Variants in EMID1 observed in about 807,000 individuals in gnomAD.
The protein encoded by EMID1 is EMI domain containing 1, also known as EMI domain-containing protein 1.
Under a neutral mutation model 60.6 loss-of-function variants are expected in EMID1, and 40 were observed. The observed-to-expected ratio is 0.66, with a 90% CI of 0.51 to 0.86. The LOEUF is 0.86. Among genes scored for constraint, EMID1 ranks in the 40% least tolerant of loss-of-function variants. The probability of loss-of-function intolerance (pLI) is 0.00; values close to 1 mark genes in which losing one functional copy is unlikely to be tolerated. For missense variants in EMID1, 585 were observed against 597.1 expected (o/e 0.98, Z 0.21); for synonymous variants, 242 against 231.0 (o/e 1.05, Z -0.43).
intron 13 of EMID1, among the ~76,000 whole-genome samples, chr22:29,250,171 A>C (rs1179895555): frequency 6.6e-6 from 1 of 152,210 alleles, no homozygotes; most frequent in African/African-American, 2.4e-5. Flanking sequence ...CGGGAGGATC[A>C]TTTGAGTCCT....
At chr22:29,250,948 T>C (rs2041507341) in intron 13 of EMID1, among the ~76,000 whole-genome samples, 1 of 151,266 alleles carries the variant, frequency 6.6e-6, no homozygotes. Flanking sequence ...GATAGGGTCT[T>C]GCTGTGTTGC....
At chr22:29,257,940 G>T (rs762817) in intron 14 of EMID1, among the ~76,000 whole-genome samples, 28,260 of 152,048 alleles carry the variant, frequency 0.19, 3,005 homozygotes, top group South Asian at 0.37. Flanking sequence ...TGTCTGCTCC[G>T]GGAGCCCTCA....
At chr22:29,257,190 G>T (rs1326690210) in intron 14 of EMID1, among the ~76,000 whole-genome samples, 1 of 152,308 alleles carries the variant, frequency 6.6e-6, no homozygotes, top group African/African-American at 2.4e-5. Context: ...TTGGGTCGGG[G>T]CTTGGAGGGA....
intron 1 of EMID1, among the ~76,000 whole-genome samples, chr22:29,208,184 TG>T (rs1320937191): frequency 6.6e-6 from 1 of 152,160 alleles, no homozygotes. Flanking sequence ...GGAGACAGCA[TG>T]GGGGTGTCAT....
intron 11 of EMID1, 35 bp from the exon 12 acceptor site, chr22:29,234,270 C>T (rs1479560863): frequency 6.2e-7 from 1 of 1,613,444 alleles, no homozygotes; most frequent in Non-Finnish European, 8.5e-7. Flanking sequence ...GAGTCCTCAA[C>T]AGCTGACGCC....
At chr22:29,210,048 G>C (rs914336824) in intron 1 of EMID1, among the ~76,000 whole-genome samples, 33 of 152,124 alleles carry the variant, frequency 2.2e-4, no homozygotes, top group African/African-American at 7.7e-4. Flanking sequence ...TCCTGGGGCT[G>C]GGGTCCTCAA....
chr22:29,207,456 G>T (rs1013600806), intron 1 of EMID1, among the ~76,000 whole-genome samples: 1 of 152,148 alleles, frequency 6.6e-6, no homozygotes, highest in Non-Finnish European at 1.5e-5. Context: ...GAAGTGAGCC[G>T]CCAGGATCCC....
chr22:29,215,582 C>T lies in EMID1; in HGVS notation c.271C>T (p.Arg91Cys), dbSNP rs758508274. Reference sequence around the variant, plus strand: ...GGTGATGTACAAGATAGTGACCGCCCGTGAGTGGAGGTGCTGCCCTGGGCA... The same window carrying T: ...GGTGATGTACAAGATAGTGACCGCCTGTGAGTGGAGGTGCTGCCCTGGGCA... ...YKVMYKIVTAREWRCCPGHSG... is the reference protein window; with the variant it reads ...YKVMYKIVTACEWRCCPGHSG... Residue 91 changes from arginine (R) to cysteine (C), a missense_variant, in exon 3 of 15, where the codon CGT becomes TGT. Physicochemically the swap from Arg to Cys is radical, Grantham distance 180 (BLOSUM62 -3). Transcript: ENST00000334018. The T allele has an allele frequency of 9.9e-6, 16 of 1,613,990 alleles. No individual in the cohort carries two copies. Among genetic ancestry groups the T allele is most frequent in the South Asian group, 3.3e-5 (3 of 91,088 alleles).
intron 13 of EMID1, among the ~76,000 whole-genome samples, chr22:29,248,285 T>C (rs1399777678): frequency 2.7e-5 from 4 of 149,978 alleles, no homozygotes; most frequent in African/African-American, 9.9e-5. Flanking sequence ...TTTTTTCACT[T>C]TTTAAATGTT....
At chr22:29,234,481 GTC>G in intron 12 of EMID1, 132 bp downstream of exon 12, 1 of 1,083,684 alleles carries the variant, frequency 9.2e-7, no homozygotes, top group Non-Finnish European at 1.3e-6. Flanking sequence ...GATGCTCCCT[GTC>G]TCTGAGACTC....
intron 14 of EMID1, among the ~76,000 whole-genome samples, chr22:29,256,463 CAAA>C (rs774829201): frequency 3.6e-4 from 19 of 52,744 alleles, no homozygotes; most frequent in Admixed American, 7.1e-4. Flanking sequence ...GACTCCATCT[CAAA>C]AAAAAAAAAA....
intron 3 of EMID1, among the ~76,000 whole-genome samples, chr22:29,222,889 A>T (rs942291522): frequency 3.9e-5 from 6 of 152,110 alleles, no homozygotes; most frequent in Non-Finnish European, 8.8e-5. Flanking sequence ...CGGGAGATGG[A>T]GACCATCCTG....
chr22:29,211,624 TCCTGTGTG>T (rs2039887804), intron 1 of EMID1, among the ~76,000 whole-genome samples: 1 of 151,192 alleles, frequency 6.6e-6, no homozygotes, highest in Non-Finnish European at 1.5e-5. Context: ...GCATATTTGC[TCCTGTGTG>T]CCTGTGTGTG....
rs549683607 is a variant in EMID1, at chr22:29,214,842, C to T, written c.102-84C>T. ...GGATTCAGGGCTCTTGAAGAGAACA[C>T]GGACGTCCTCACCCATCCTCCTGGA... On this transcript the variant is annotated intron_variant, in intron 1 of 14. Coordinates refer to ENST00000334018, the MANE Select transcript of EMID1 (RefSeq NM_133455.4). The T allele has an allele frequency of 3.8e-5, 37 of 980,308 alleles. No individual in the cohort carries two copies. In the East Asian group the frequency reaches 6.5e-4, roughly 17 times the overall value. 60.7% of individuals were successfully genotyped at this position (980,308 alleles called of 1,614,324 possible).
chr22:29,214,714 GCCCCACCCC>G (rs1252417626), intron 1 of EMID1, among the ~76,000 whole-genome samples: 1 of 152,104 alleles, frequency 6.6e-6, no homozygotes, highest in Admixed American at 6.5e-5. Flanking sequence ...TCTCTGCACA[GCCCCACCCC>G]TAGGGCCATG....
Position 29,259,548 on chromosome 22 carries a change from A to C in EMID1, c.*604A>C, listed in dbSNP as rs2058082732. 1 of 168,784 alleles carries C rather than the reference A, an allele frequency of 5.9e-6. No individual in the cohort carries two copies. The highest frequency in any genetic ancestry group is 5.9e-5 in the Admixed American group (1 of 17,000). The allele number at this position is 168,784 out of a possible 1,614,324, so 10.5% of individuals were successfully genotyped here. ...CCTGCAAATGCTTGTGACAGATGCC[A>C]GGAGGTAGATGTGTGCTGGCCAATA... On this transcript the variant is annotated 3_prime_UTR_variant, in exon 15 of 15. Transcript: ENST00000334018.
chr22:29,234,093 C>T (rs1317928312), intron 10 of EMID1, 44 bp from the exon 11 acceptor site: 1 of 1,553,730 alleles, frequency 6.4e-7, no homozygotes, highest in South Asian at 1.2e-5. Context: ...CTGCCCACTC[C>T]ATCCTGCCCC....
At chr22:29,251,980 T>C (rs1362633493) in intron 13 of EMID1, among the ~76,000 whole-genome samples, 1 of 152,188 alleles carries the variant, frequency 6.6e-6, no homozygotes, top group Non-Finnish European at 1.5e-5. Flanking sequence ...CTCTAATTTT[T>C]AAATTTTTTG....
chr22:29,231,741 C>A, intron 7 of EMID1, 59 bp downstream of exon 7: 3 of 1,398,774 alleles, frequency 2.1e-6, no homozygotes, highest in Non-Finnish European at 2.8e-6. Context: ...CCAGGTGGGC[C>A]CTTCCCTGCT....
Sources: allele counts gnomAD v4.1 joint callset (sites outside exome capture counted in the v4.1 genomes callset), GRCh38; gene constraint gnomAD v4.1.1; transcripts MANE v1.5; gene names NCBI Gene and HGNC (gene_info 2026-07-23, HGNC 2026-07-21).